Variants in PCDHA11 observed in about 807,000 individuals in gnomAD.
PCDHA11 encodes protocadherin alpha-11.
PCDHA11 carries 61 observed loss-of-function variants against 70.3 expected under a neutral mutation model. That is an observed-to-expected ratio of 0.87 (90% CI 0.71 to 1.07). The LOEUF is 1.07. PCDHA11 is among the 50% of genes least tolerant of loss of function. The pLI is 0.00. For missense variants in PCDHA11, 1,324 were observed against 1,237.5 expected, an observed-to-expected ratio of 1.07 and a Z score of -1.05; for synonymous variants, 633 against 555.1, an observed-to-expected ratio of 1.14 and a Z score of -1.97.
chr5:140,948,986 T>C (rs2094331337), intron 1 of PCDHA11, among the ~76,000 whole-genome samples: 1 of 151,752 alleles, frequency 6.6e-6, no homozygotes, highest in Non-Finnish European at 1.5e-5. Context: ...ACTGCTTTAT[T>C]TGCATTTTAC....
At chr5:140,978,897 G>A in intron 1 of PCDHA11, 52 bp from the exon 2 acceptor site, 2 of 1,612,776 alleles carry the variant, frequency 1.2e-6, no homozygotes, top group South Asian at 1.1e-5. Flanking sequence ...AGCATTCCTG[G>A]GAGAACATTG....
chr5:140,951,145 T>G (rs2094553191), intron 1 of PCDHA11, among the ~76,000 whole-genome samples: 1 of 100,698 alleles, frequency 9.9e-6, no homozygotes, highest in South Asian at 2.6e-4. Flanking sequence ...TTTATCTTAT[T>G]GAATATAGTT....
intron 1 of PCDHA11, among the ~76,000 whole-genome samples, chr5:140,937,993 G>A (rs1554211932): frequency 6.6e-6 from 1 of 151,358 alleles, no homozygotes. Flanking sequence ...TGTTAACTTT[G>A]TATCCAATGT....
rs548122977 is a variant in PCDHA11 at position 141,010,588 on chromosome 5, T to C, written c.*651T>C. ...AGGCTTTAGGAGACCCTAAAGTCTG[T>C]TGGCTGTGACGTCATTATACCTAAA... On this transcript the variant is annotated 3_prime_UTR_variant, in exon 4 of 4. Coordinates refer to ENST00000398640, the MANE Select transcript of PCDHA11 (RefSeq NM_018902.5). 5 of 233,334 alleles carry C rather than the reference T, an allele frequency of 2.1e-5. No individual in the cohort carries two copies. In the East Asian group the frequency reaches 4.8e-4, roughly 22 times the overall value. 14.5% of individuals were successfully genotyped at this position (233,334 alleles called of 1,614,324 possible).
intron 1 of PCDHA11, chr5:140,928,749 T>A: frequency 1.2e-6 from 2 of 1,614,194 alleles, no homozygotes; most frequent in Non-Finnish European, 1.7e-6. Flanking sequence ...GTGAGCTCCG[T>A]ACTGCTCGCT....
intron 1 of PCDHA11, among the ~76,000 whole-genome samples, chr5:140,970,923 C>T (rs1009753173): frequency 1.3e-5 from 2 of 152,032 alleles, no homozygotes; most frequent in African/African-American, 4.8e-5. Flanking sequence ...ATCAGAAGTG[C>T]CTGGTGTTAG....
chr5:140,952,006 T>C (rs2094672029), intron 1 of PCDHA11, among the ~76,000 whole-genome samples: 1 of 152,184 alleles, frequency 6.6e-6, no homozygotes, highest in African/African-American at 2.4e-5. Context: ...GAAAGAATTA[T>C]AGGCCCCATG....
intron 1 of PCDHA11, chr5:140,969,172 G>T (rs782196654): frequency 1.2e-5 from 19 of 1,614,086 alleles, no homozygotes; most frequent in Non-Finnish European, 1.5e-5. Context: ...CAGGCTCAGG[G>T]AGTGACACTT....
chr5:140,869,124 G>C lies in PCDHA11; in HGVS notation c.21G>C (p.Arg7Ser). Residue 7 changes from arginine (R) to serine (S), a missense_variant, in exon 1 of 4, where the codon AGG becomes AGC. Arg to Ser is a moderately radical substitution (Grantham distance 110). Coordinates refer to ENST00000398640, the MANE Select transcript of PCDHA11 (RefSeq NM_018902.5). ...ATGCGATGTTTGGTTTTCAGAGAAGGGGATTGGGCACCCCACGACTACAGC... is the reference window on the plus strand; with the variant it reads ...ATGCGATGTTTGGTTTTCAGAGAAGCGGATTGGGCACCCCACGACTACAGC... MFGFQR[R>S]GLGTPRLQLW... 1 of 1,608,632 alleles carries C rather than the reference G, an allele frequency of 6.2e-7. No homozygotes were observed. The highest frequency in any genetic ancestry group is 2.2e-5 in the East Asian group (1 of 44,792).
chr5:140,870,722 G>A lies in PCDHA11; in HGVS notation c.1619G>A (p.Gly540Asp), dbSNP rs1554164638. The A allele has an allele frequency of 1.2e-6, 2 of 1,613,222 alleles. No individual in the cohort carries two copies. Among genetic ancestry groups the A allele is most frequent in the East Asian group, 2.2e-5 (1 of 44,872 alleles). Residue 540 changes from glycine (G) to aspartate (D), a missense_variant, in exon 1 of 4, where the codon GGC becomes GAC. Coordinates refer to ENST00000398640, the MANE Select transcript of PCDHA11 (RefSeq NM_018902.5). The stretch of plus-strand genomic sequence containing the variant: ...TTCCAGGTGAGCGCGCGCGATGCGG[G>A]CGTGCCGCCTCTGAGCAGCAACGTG... Reference protein sequence around the residue: ...LQFQVSARDAGVPPLSSNVTL... With the variant: ...LQFQVSARDADVPPLSSNVTL...
chr5:140,998,690 A>G (rs1310258939), intron 3 of PCDHA11, among the ~76,000 whole-genome samples: 1 of 151,696 alleles, frequency 6.6e-6, no homozygotes, highest in Non-Finnish European at 1.5e-5. Flanking sequence ...TCAGCCTCCC[A>G]AGTAGCTGGG....
chr5:140,909,376 A>C (rs934172847), intron 1 of PCDHA11, among the ~76,000 whole-genome samples: 3 of 152,208 alleles, frequency 2.0e-5, no homozygotes, highest in Non-Finnish European at 4.4e-5. Context: ...AAGCAATGAA[A>C]CCACATCTAG....
intron 1 of PCDHA11, among the ~76,000 whole-genome samples, chr5:140,976,868 CAAAG>C (rs1397427113): frequency 6.6e-5 from 10 of 152,120 alleles, no homozygotes; most frequent in African/African-American, 1.2e-4. Flanking sequence ...TACTGTCTGA[CAAAG>C]AAAGAATTAG....
intron 1 of PCDHA11, among the ~76,000 whole-genome samples, chr5:140,944,781 G>T (rs1404959208): frequency 6.6e-6 from 1 of 152,114 alleles, no homozygotes; most frequent in Non-Finnish European, 1.5e-5. Context: ...TCCTGTTATT[G>T]TATTTTACAA....
intron 1 of PCDHA11, among the ~76,000 whole-genome samples, chr5:140,933,619 T>C (rs2089273151): frequency 2.6e-5 from 4 of 152,058 alleles, no homozygotes; most frequent in Non-Finnish European, 2.9e-5. Flanking sequence ...TCTTATTAGG[T>C]TAGGCTGGCC....
rs371505360 is a variant in PCDHA11, at chr5:140,882,840, C to T, written c.2391+11346C>T. 3.2e-5 allele frequency: 51 copies of T among 1,614,214 alleles called. 1 individual carries two copies. The African/African-American group carries it at 5.6e-4, about 18-fold the overall frequency. ...CAAAACAGTCTTGAGCAAATGTCTTCATTATCACTTGTACTGAGGAAAACA... is the reference window on the plus strand; with the variant it reads ...CAAAACAGTCTTGAGCAAATGTCTTTATTATCACTTGTACTGAGGAAAACA... On this transcript the variant is annotated intron_variant, in intron 1 of 3. Transcript: ENST00000398640.
intron 1 of PCDHA11, among the ~76,000 whole-genome samples, chr5:140,946,691 G>C (rs782114019): frequency 6.8e-6 from 1 of 147,578 alleles, no homozygotes; most frequent in Non-Finnish European, 1.5e-5. Flanking sequence ...TGACAATATG[G>C]ATGAATCTGG....
At chr5:140,940,564 T>G (rs1481591678) in intron 1 of PCDHA11, among the ~76,000 whole-genome samples, 2 of 152,228 alleles carry the variant, frequency 1.3e-5, no homozygotes, top group African/African-American at 4.8e-5. Flanking sequence ...TTCTCCTACC[T>G]TGGCTCCCAA....
chr5:140,960,788 G>A (rs1268913888), intron 1 of PCDHA11, among the ~76,000 whole-genome samples: 1 of 152,086 alleles, frequency 6.6e-6, no homozygotes, highest in Non-Finnish European at 1.5e-5. Context: ...GCCAAACAAG[G>A]TTTCTATTAA....
Sources: allele counts gnomAD v4.1 joint callset (sites outside exome capture counted in the v4.1 genomes callset), GRCh38; gene constraint gnomAD v4.1.1; transcripts MANE v1.5; gene names NCBI Gene and HGNC (gene_info 2026-07-23, HGNC 2026-07-21).